FGD1: variants seen among roughly 807,000 people sequenced by gnomAD.
FGD1 encodes FYVE, RhoGEF and PH domain containing 1, also known as FYVE, RhoGEF and PH domain-containing protein 1.
A neutral mutation model predicts 65.0 loss-of-function variants in FGD1; 12 were observed. That is an observed-to-expected ratio of 0.18 (90% CI 0.12 to 0.30). FGD1 has a LOEUF of 0.30. FGD1 is among the 10% of genes least tolerant of loss of function. The pLI is 1.00. For missense variants in FGD1, 542 were observed against 837.6 expected, an observed-to-expected ratio of 0.65 and a Z score of 4.36; for synonymous variants, 333 against 343.9, an observed-to-expected ratio of 0.97 and a Z score of 0.35.
chrX:54,495,193 A>T lies in FGD1; in HGVS notation c.240T>A (p.Gly80=). 1 of 1,188,560 alleles carries T rather than the reference A, an allele frequency of 8.4e-7. No homozygotes were observed. The highest frequency in any genetic ancestry group is 1.1e-6 in the Non-Finnish European group (1 of 884,568). The part of the protein sequence containing the change: ...AAPGHRVLPC[G]PSPQHHRALR... ...GGGCCCGGTGGTGCTGTGGACTGGG[A>T]CCGCAGGGCAAGACCCGGTGGCCTG... is the stretch of plus-strand genomic sequence containing the variant. Residue 80 remains glycine (G), a synonymous_variant, in exon 1 of 18, where the codon GGT becomes GGA. Coordinates refer to ENST00000375135, the MANE Select transcript of FGD1 (RefSeq NM_004463.3).
intron 12 of FGD1, among the ~76,000 whole-genome samples, chrX:54,450,647 G>T: frequency 9.0e-6 from 1 of 111,525 alleles, no homozygotes; most frequent in Non-Finnish European, 1.9e-5. Flanking sequence ...ACATGCCCCA[G>T]TCTGAAGTTT....
At chrX:54,460,621 A>G (rs780366382) in intron 8 of FGD1, among the ~76,000 whole-genome samples, 204 of 110,408 alleles carry the variant, frequency 1.8e-3, no homozygotes, top group African/African-American at 6.0e-3. Flanking sequence ...GGTGCCTGTA[A>G]TCCCAGCTAC....
At chrX:54,450,344 GC>G in intron 12 of FGD1, 43 bp from the exon 13 acceptor site, 1 of 1,181,809 alleles carries the variant, frequency 8.5e-7, no homozygotes, top group Non-Finnish European at 1.2e-6. Context: ...GGTTAGGTAG[GC>G]CCACAAAAAG....
intron 1 of FGD1, among the ~76,000 whole-genome samples, chrX:54,482,230 A>ACGCG (rs1179897715): frequency 7.5e-4 from 77 of 102,169 alleles, no homozygotes; most frequent in African/African-American, 2.9e-3. Flanking sequence ...GCGCGCGCAC[A>ACGCG]CGCGCGCACA....
chrX:54,493,860 T>G (rs1217808708), intron 1 of FGD1, among the ~76,000 whole-genome samples: 1 of 112,405 alleles, frequency 8.9e-6, no homozygotes, highest in Non-Finnish European at 1.9e-5. Flanking sequence ...TGCTTTATAC[T>G]TCACTACTGC....
At chrX:54,459,398 G>A (rs1258102483) in intron 8 of FGD1, among the ~76,000 whole-genome samples, 1 of 110,997 alleles carries the variant, frequency 9.0e-6, no homozygotes, top group Non-Finnish European at 1.9e-5. Flanking sequence ...AAGCGTTAGT[G>A]GGGCCTGGTC....
intron 8 of FGD1, among the ~76,000 whole-genome samples, chrX:54,464,985 G>C (rs760270790): frequency 4.6e-5 from 5 of 108,805 alleles, no homozygotes; most frequent in African/African-American, 1.7e-4. Flanking sequence ...CTCTCAGCTT[G>C]GTGGCTCAGT....
Position 54,465,761 on chromosome X carries a change from C to T in FGD1, c.1432G>A (p.Val478Met), listed in dbSNP as rs147008826. The change falls in exon 7 of 18, where the codon GTG (valine) becomes ATG (methionine). Residue 478 changes from valine to methionine, a missense_variant. Val to Met is a conservative substitution (Grantham distance 21, BLOSUM62 1). This residue lies in a region of FGD1 where 41 missense variants were observed against 109.5 expected (regional missense o/e 0.37). Transcript: ENST00000375135. ...TCTGTCCAGGTGTTGACCAGCTCCA[C>T]GGCCCGGTCAAAGTTCTTCACATAC... ...GEYVKNFDRAVELVNTWTERS... is the reference protein window; with the variant it reads ...GEYVKNFDRAMELVNTWTERS... 1.3e-5 allele frequency: 16 copies of T among 1,209,081 alleles called. No homozygotes were observed. Among genetic ancestry groups the T allele is most frequent in the South Asian group, 5.3e-5 (3 of 56,722 alleles).
chrX:54,450,340 G>C, intron 12 of FGD1, 39 bp from the exon 13 acceptor site: 1 of 1,186,882 alleles, frequency 8.4e-7, no homozygotes, highest in Non-Finnish European at 1.1e-6. Context: ...GTTTGGTTAG[G>C]TAGGCCCACA....
At chrX:54,447,032 A>G (rs781782283) in intron 17 of FGD1, among the ~76,000 whole-genome samples, 2 of 111,300 alleles carry the variant, frequency 1.8e-5, no homozygotes, top group East Asian at 5.7e-4. Context: ...TCCCATCTGC[A>G]TACTCTTACC....
At chrX:54,465,999 T>C (rs1038771548) in intron 6 of FGD1, 147 bp from the exon 7 acceptor site, 17 of 698,461 alleles carry the variant, frequency 2.4e-5, no homozygotes, top group Non-Finnish European at 3.2e-5. Flanking sequence ...GAAATGCTGC[T>C]TACATTACAG....
At chrX:54,467,132 TC>T (rs973893948) in intron 6 of FGD1, among the ~76,000 whole-genome samples, 1 of 110,308 alleles carries the variant, frequency 9.1e-6, no homozygotes, top group Non-Finnish European at 1.9e-5. Context: ...CGTTATTATT[TC>T]CCCCCATTTT....
At chrX:54,494,897 G>T (rs1383578117) in intron 1 of FGD1, among the ~76,000 whole-genome samples, 1 of 111,216 alleles carries the variant, frequency 9.0e-6, no homozygotes, top group African/African-American at 3.3e-5. Flanking sequence ...GAAGGGGGTT[G>T]GAGAGGTTGA....
chrX:54,470,722 G>GGT lies in FGD1; in HGVS notation c.519_520insAC (p.Pro174ThrfsTer42). On this transcript the variant is annotated frameshift_variant, in exon 3 of 18. Coordinates refer to ENST00000375135, the MANE Select transcript of FGD1 (RefSeq NM_004463.3). LOFTEE classifies it high-confidence loss of function. The stretch of plus-strand genomic sequence containing the variant: ...GGGGGGATGGGCTCCAGTGGGGGGG[G>GGT]CATCCGGGGCATCTGCAGGTAGCTG... The GGT allele has an allele frequency of 3.7e-6, 2 of 538,260 alleles. No homozygotes were observed. The highest frequency in any genetic ancestry group is 3.7e-5 in the Admixed American group (1 of 27,270). 44.4% of individuals were successfully genotyped at this position (538,260 alleles called of 1,213,427 possible). A position where few individuals can be genotyped will look rare whatever the true frequency, so the allele number is the denominator to read the frequency against.
intron 8 of FGD1, among the ~76,000 whole-genome samples, chrX:54,458,948 C>T (rs1209351024): frequency 1.8e-5 from 2 of 111,690 alleles, no homozygotes; most frequent in African/African-American, 6.5e-5. Context: ...CCCATTTATC[C>T]AATGAGGAAA....
In FGD1 at chrX:54,446,519, AG is replaced by A; in HGVS notation, c.2581-106del. On this transcript the variant is annotated intron_variant, in intron 17 of 17. Transcript: ENST00000375135. Reference sequence around the variant, plus strand: ...ATGCTCTGTCTTCAGTCCCCTACTCAGGAACTCCCCTACTCAGGAACCTTCC... The same window carrying A: ...ATGCTCTGTCTTCAGTCCCCTACTCAGAACTCCCCTACTCAGGAACCTTCC... 4.0e-6 allele frequency: 3 copies of A among 753,892 alleles called. No homozygotes were observed. The South Asian group carries it at 7.6e-5, about 19-fold the overall frequency. 62.1% of individuals were successfully genotyped at this position (753,892 alleles called of 1,213,427 possible).
At chrX:54,488,554 C>T (rs933834503) in intron 1 of FGD1, among the ~76,000 whole-genome samples, 3 of 111,413 alleles carry the variant, frequency 2.7e-5, no homozygotes, top group Non-Finnish European at 5.6e-5. Context: ...CACTGCACTC[C>T]AGCCTGGGTG....
In FGD1 at chrX:54,449,266, G is replaced by A. The variant is rs749581223; in HGVS notation, c.2151C>T (p.Asn717=). The A allele has an allele frequency of 3.1e-5, 37 of 1,209,774 alleles. No homozygotes were observed. In the South Asian group the frequency reaches 4.6e-4, roughly 15 times the overall value. The change falls in exon 15 of 18, where the codon AAC becomes AAT. Residue 717 remains asparagine, a splice_region_variant and synonymous_variant. Coordinates refer to ENST00000375135, the MANE Select transcript of FGD1 (RefSeq NM_004463.3). ...EDEDTPPNSP[N]VDLGKRAPTP... ...TAGGTGCCCGCTTCCCAAGATCCAC[G>A]TTCTGTAGGGAGGGCCAGGTCTCAG...
Position 54,465,487 on chromosome X carries a change from G to A in FGD1, c.1600C>T (p.Leu534=). 1 of 1,210,923 alleles carries A rather than the reference G, an allele frequency of 8.3e-7. No homozygotes were observed. Among genetic ancestry groups the A allele is most frequent in the Non-Finnish European group, 1.1e-6 (1 of 895,158 alleles). The change falls in exon 8 of 18, where the codon CTG becomes TTG. Residue 534 remains leucine, a synonymous_variant. Transcript: ENST00000375135. ...TTGCTGTCCGGGGAGCCATGGGGCA[G>A]CTTTAACAGATAGTCCTTGAGAAGA... ...ELLLKDYLLK[L]PHGSPDSKDA...
Sources: gnomAD v4.1 joint callset for allele counts (sites outside exome capture counted in the v4.1 genomes callset) on GRCh38, gnomAD v4.1.1 for gene constraint, gnomAD v4.1.1 regional missense constraint, MANE v1.5 for transcripts, NCBI Gene and HGNC (gene_info 2026-07-23, HGNC 2026-07-21) for gene names.